PAK1IP1: variants seen among roughly 807,000 people sequenced by gnomAD.
PAK1IP1 encodes p21-activated protein kinase-interacting protein 1.
In PAK1IP1, 24 loss-of-function variants were observed where a neutral mutation model predicts 42.0. The ratio of observed to expected loss-of-function variants is 0.57; its 90% CI spans 0.41 to 0.80. The LOEUF is 0.80. PAK1IP1 is among the 30% of genes least tolerant of loss of function. The pLI, the probability that PAK1IP1 is intolerant of heterozygous loss-of-function variation, is 0.00. For missense variants in PAK1IP1, 411 were observed against 467.9 expected, an observed-to-expected ratio of 0.88 and a Z score of 1.12; for synonymous variants, 154 against 156.7, an observed-to-expected ratio of 0.98 and a Z score of 0.13.
intron 7 of PAK1IP1, among the ~76,000 whole-genome samples, chr6:10,705,971 G>A (rs1770190742): frequency 6.6e-6 from 1 of 152,086 alleles, no homozygotes; most frequent in South Asian, 2.1e-4. Flanking sequence ...AAGATATTTG[G>A]CCATTCATTC....
At position 10,702,587 on chromosome 6, in the gene PAK1IP1, A is replaced by T; in HGVS notation, c.391A>T (p.Ile131Phe). ...AHKGQVTFLS[I>F]HPSGKLALSV... is the part of the protein sequence containing the mutation. ...TAGAGGACAGGTGACCTTCCTTTCT[A>T]TTCACCCATCTGGCAAGTTGGCCCT... Residue 131 changes from isoleucine to phenylalanine, a missense_variant, in exon 4 of 10, where the codon ATT (isoleucine) becomes TTT (phenylalanine). Ile to Phe is a conservative substitution (Grantham distance 21). Transcript: ENST00000379568. 1 of 1,613,964 alleles carries T rather than the reference A, an allele frequency of 6.2e-7. No homozygotes were observed. Among genetic ancestry groups the T allele is most frequent in the Non-Finnish European group, 8.5e-7 (1 of 1,179,984 alleles).
intron 2 of PAK1IP1, among the ~76,000 whole-genome samples, chr6:10,701,131 G>A (rs1770014467): frequency 6.6e-6 from 1 of 152,122 alleles, no homozygotes; most frequent in South Asian, 2.1e-4. Flanking sequence ...AGGCTGGAGT[G>A]CAGTGGCAGA....
intron 4 of PAK1IP1, 84 bp from the exon 5 acceptor site, chr6:10,703,321 C>G: frequency 1.0e-6 from 1 of 965,336 alleles, no homozygotes; most frequent in Non-Finnish European, 1.6e-6. Flanking sequence ...TAAAATGTCA[C>G]TTAAGTCTTC....
chr6:10,708,825 A>T, intron 8 of PAK1IP1, 128 bp from the exon 9 acceptor site: 1 of 758,688 alleles, frequency 1.3e-6, no homozygotes, highest in Non-Finnish European at 2.2e-6. Flanking sequence ...AGTGAAGATT[A>T]TATGTTGCTT....
chr6:10,709,104 T>G, intron 9 of PAK1IP1, 28 bp downstream of exon 9: 1 of 1,597,840 alleles, frequency 6.3e-7, no homozygotes, highest in Non-Finnish European at 8.5e-7. Context: ...TTTTGAAATT[T>G]TGAATAATCT....
intron 2 of PAK1IP1, among the ~76,000 whole-genome samples, chr6:10,699,430 C>G (rs2127479221): frequency 6.6e-6 from 1 of 152,118 alleles, no homozygotes. Flanking sequence ...GACTGAAATG[C>G]AGGGGAGGCA....
chr6:10,703,889 T>C (rs1036172117), intron 5 of PAK1IP1, among the ~76,000 whole-genome samples: 1 of 152,370 alleles, frequency 6.6e-6, no homozygotes, highest in Admixed American at 6.5e-5. Context: ...TTTATTTCCC[T>C]GCATGGTGGT....
chr6:10,691,325 T>A (rs1036414595), upstream of PAK1IP1, among the ~76,000 whole-genome samples: 2 of 152,028 alleles, frequency 1.3e-5, no homozygotes, highest in Admixed American at 1.3e-4. Flanking sequence ...CCCAAGTGAG[T>A]AATTCCTGTC....
chr6:10,704,897 T>G, intron 7 of PAK1IP1, 53 bp downstream of exon 7: 1 of 1,064,512 alleles, frequency 9.4e-7, no homozygotes, highest in Non-Finnish European at 1.5e-6. Flanking sequence ...AAGGTATATA[T>G]GCAGTAGTTT....
upstream of PAK1IP1, chr6:10,694,597 T>TTG: frequency 5.1e-6 from 1 of 195,442 alleles, no homozygotes; most frequent in Non-Finnish European, 1.1e-5. Flanking sequence ...CTACAGCCCC[T>TTG]AAGCAACCGG....
chr6:10,694,104 T>C (rs1769615310), upstream of PAK1IP1, among the ~76,000 whole-genome samples: 1 of 151,558 alleles, frequency 6.6e-6, no homozygotes, highest in African/African-American at 2.4e-5. Flanking sequence ...TACTAAAAAA[T>C]ACAAAATTAG....
intron 5 of PAK1IP1, among the ~76,000 whole-genome samples, chr6:10,704,171 C>T (rs1416457256): frequency 6.6e-6 from 1 of 152,096 alleles, no homozygotes; most frequent in Non-Finnish European, 1.5e-5. Context: ...CAGGCGCGTG[C>T]CACCATGCTT....
At chr6:10,696,206 C>A (rs1412047283) in intron 1 of PAK1IP1, among the ~76,000 whole-genome samples, 3 of 152,150 alleles carry the variant, frequency 2.0e-5, no homozygotes, top group African/African-American at 7.2e-5. Context: ...CCCTATACTT[C>A]TACTAAATCT....
At chr6:10,700,076 C>CG (rs1318571958) in intron 2 of PAK1IP1, among the ~76,000 whole-genome samples, 3 of 146,172 alleles carry the variant, frequency 2.1e-5, no homozygotes, top group African/African-American at 5.1e-5. Flanking sequence ...TTGGCGGGGG[C>CG]GGGGGGGCTT....
chr6:10,694,357 G>A (rs1668644197), upstream of PAK1IP1: 1 of 152,782 alleles, frequency 6.5e-6, no homozygotes, highest in Admixed American at 6.6e-5. Flanking sequence ...AGCAGACAGA[G>A]AAAGTGTGCA....
rs532654988 is a variant in PAK1IP1 at position 10,709,330 on chromosome 6, G to T, written c.1057G>T (p.Gly353Cys). The T allele has an allele frequency of 6.2e-7, 1 of 1,613,768 alleles. No individual in the cohort carries two copies. The highest frequency in any genetic ancestry group is 8.5e-7 in the Non-Finnish European group (1 of 1,179,878). Residue 353 changes from glycine (G) to cysteine (C), a missense_variant, in exon 10 of 10, where the codon GGT becomes TGT. Coordinates refer to ENST00000379568, the MANE Select transcript of PAK1IP1 (RefSeq NM_017906.3). Reference protein sequence around the residue: ...KRSKPNTKKRGLTGDSKKATK... With the variant: ...KRSKPNTKKRCLTGDSKKATK... ...GTCAAAACCTAACACAAAGAAACGC[G>T]GTTTAACAGGTGACAGTAAGAAAGC...
intron 2 of PAK1IP1, 23 bp downstream of exon 2, chr6:10,697,509 G>A (rs1291443469): frequency 6.4e-7 from 1 of 1,558,192 alleles, no homozygotes; most frequent in Non-Finnish European, 8.8e-7. Context: ...TATCCCTTAA[G>A]ATGAGAACAT....
intron 7 of PAK1IP1, among the ~76,000 whole-genome samples, chr6:10,705,190 C>T (rs1247334942): frequency 3.3e-5 from 5 of 152,084 alleles, no homozygotes; most frequent in East Asian, 1.9e-4. Flanking sequence ...TGGTGGTGCA[C>T]GCTGGTAGTC....
Position 10,708,844 on chromosome 6 carries a change from CAT to C in PAK1IP1, c.841-106_841-105del, listed in dbSNP as rs540337954. On this transcript the variant is annotated intron_variant, in intron 8 of 9. Transcript: ENST00000379568. ...AAGATTATATGTTGCTTCTGAATAT[CAT>C]ATTTTGTACTCAAGAAAATACAGGA... The C allele has an allele frequency of 2.4e-4, 210 of 893,078 alleles. 1 individual carries two copies. The African/African-American group carries it at 2.7e-3, about 11-fold the overall frequency. The allele number at this position is 893,078 out of a possible 1,614,324, so 55.3% of individuals were successfully genotyped here. A position where few individuals can be genotyped will look rare whatever the true frequency, so the allele number is the denominator to read the frequency against.
Sources: allele counts gnomAD v4.1 joint callset (sites outside exome capture counted in the v4.1 genomes callset), GRCh38; gene constraint gnomAD v4.1.1; transcripts MANE v1.5; gene names NCBI Gene and HGNC (gene_info 2026-07-23, HGNC 2026-07-21).